Variants in BORCS5 observed in about 807,000 individuals in gnomAD.
BORCS5 encodes the protein BLOC-1-related complex subunit 5.
BORCS5 carries 17 observed loss-of-function variants against 22.1 expected under a neutral mutation model. The observed-to-expected ratio is 0.77, with a 90% confidence interval of 0.53 to 1.15. The LOEUF is 1.15. BORCS5 is among the 50% of genes most tolerant of loss of function. The probability of loss-of-function intolerance (pLI) is 0.00; values close to 1 mark genes in which losing one functional copy is unlikely to be tolerated. For missense variants in BORCS5, 247 were observed against 253.2 expected, an observed-to-expected ratio of 0.98 and a Z score of 0.17; for synonymous variants, 117 against 99.8, an observed-to-expected ratio of 1.17 and a Z score of -1.03.
intron 1 of BORCS5, among the ~76,000 whole-genome samples, chr12:12,360,114 A>G (rs542497637): frequency 6.6e-6 from 1 of 152,284 alleles, no homozygotes; most frequent in East Asian, 1.9e-4. Flanking sequence ...CCGTAATTCT[A>G]GCACTTTGGG....
chr12:12,380,604 A>T (rs1182828033), intron 2 of BORCS5, among the ~76,000 whole-genome samples: 1 of 151,454 alleles, frequency 6.6e-6, no homozygotes, highest in African/African-American at 2.4e-5. Context: ...GTTCATGTGA[A>T]TGTGTTTTTA....
intron 2 of BORCS5, among the ~76,000 whole-genome samples, chr12:12,368,209 G>A (rs1043864574): frequency 1.3e-5 from 2 of 150,422 alleles, no homozygotes; most frequent in African/African-American, 4.9e-5. Flanking sequence ...TTTAACATAG[G>A]TTTCTATCCC....
At chr12:12,404,139 G>A (rs1941542159) in intron 2 of BORCS5, among the ~76,000 whole-genome samples, 1 of 152,156 alleles carries the variant, frequency 6.6e-6, no homozygotes, top group Non-Finnish European at 1.5e-5. Flanking sequence ...GATGTGAACA[G>A]AATGTGCGTC....
chr12:12,452,415 C>T, intron 3 of BORCS5: 1 of 557,474 alleles, frequency 1.8e-6, no homozygotes, highest in Non-Finnish European at 3.6e-6. Context: ...TCCACAAATC[C>T]ATAGGGCTGG....
At chr12:12,432,482 A>T (rs10772564) in intron 2 of BORCS5, among the ~76,000 whole-genome samples, 39,477 of 152,136 alleles carry the variant, frequency 0.26, 6,081 homozygotes, top group Non-Finnish European at 0.34. Context: ...ATAAAACTAA[A>T]CATGCAATTA....
chr12:12,413,193 G>A lies in BORCS5; in HGVS notation c.203-22435G>A, dbSNP rs1213301224. ...CAGGGTCATAGGACAATAGTGGAGG[G>A]AAGGTCTGGTTTTCCTAGGCAGAGG... On this transcript the variant is annotated intron_variant, in intron 2 of 3. Coordinates refer to ENST00000314565, the MANE Select transcript of BORCS5 (RefSeq NM_058169.6). Among the ~76,000 whole-genome samples the A allele has an allele frequency of 2.7e-5, 2 of 74,446 alleles. 1 individual carries two copies. Among genetic ancestry groups the A allele is most frequent in the Admixed American group, 2.3e-4 (2 of 8,558 alleles). 48.8% of individuals were successfully genotyped at this position (74,446 alleles called of 152,430 possible).
intron 3 of BORCS5, among the ~76,000 whole-genome samples, chr12:12,447,790 G>A (rs143535766): frequency 6.6e-6 from 1 of 152,274 alleles, no homozygotes; most frequent in East Asian, 1.9e-4. Flanking sequence ...CCTTAGCTGA[G>A]GTTTTAAGAT....
chr12:12,399,652 C>G (rs1592087098), intron 2 of BORCS5, among the ~76,000 whole-genome samples: 2 of 152,162 alleles, frequency 1.3e-5, no homozygotes, highest in Admixed American at 6.5e-5. Flanking sequence ...AAAGAAAAAC[C>G]CTCTGAGATA....
In BORCS5 at chr12:12,470,018, G is replaced by A. The variant is rs537297543; in HGVS notation, c.*4242G>A. ...GTACCCATCTGTGGCGTGTGAGGAA[G>A]TGTGCTGCACAGCAGGAGGTGAGCG... On this transcript the variant is annotated 3_prime_UTR_variant, in exon 4 of 4. Coordinates refer to ENST00000314565, the MANE Select transcript of BORCS5 (RefSeq NM_058169.6). 6.6e-6 allele frequency among the ~76,000 whole-genome samples: 1 copy of A among 152,306 alleles called. No individual in the cohort carries two copies. The highest frequency in any genetic ancestry group is 6.5e-5 in the Admixed American group (1 of 15,300).
chr12:12,364,721 C>G (rs975257886), intron 2 of BORCS5, among the ~76,000 whole-genome samples: 1 of 152,242 alleles, frequency 6.6e-6, no homozygotes, highest in Non-Finnish European at 1.5e-5. Context: ...AATCCTAGCA[C>G]TTTGGAAGGC....
chr12:12,372,312 G>T (rs540675965), intron 2 of BORCS5, among the ~76,000 whole-genome samples: 1 of 152,082 alleles, frequency 6.6e-6, no homozygotes, highest in African/African-American at 2.4e-5. Flanking sequence ...AGTGCTGGGA[G>T]TAGAGTGCAT....
intron 3 of BORCS5, among the ~76,000 whole-genome samples, chr12:12,445,961 G>A (rs555526339): frequency 8.5e-5 from 13 of 152,132 alleles, no homozygotes; most frequent in African/African-American, 3.1e-4. Context: ...GTTTTGTTTT[G>A]TTTTGTTTTC....
At chr12:12,374,660 A>G (rs1040832380) in intron 2 of BORCS5, among the ~76,000 whole-genome samples, 5 of 151,390 alleles carry the variant, frequency 3.3e-5, no homozygotes, top group African/African-American at 1.2e-4. Flanking sequence ...AAGATGCCAA[A>G]AAGAATTCTT....
chr12:12,388,746 A>T (rs1360471082), intron 2 of BORCS5, among the ~76,000 whole-genome samples: 2 of 151,066 alleles, frequency 1.3e-5, no homozygotes, highest in Non-Finnish European at 3.0e-5. Context: ...GGGGCCAGAT[A>T]GACTATCTTT....
chr12:12,465,263 A>G (rs1943179248), intron 3 of BORCS5, among the ~76,000 whole-genome samples: 1 of 152,202 alleles, frequency 6.6e-6, no homozygotes, highest in African/African-American at 2.4e-5. Context: ...CCCCTCATAT[A>G]GGGAGATAGA....
intron 3 of BORCS5, among the ~76,000 whole-genome samples, chr12:12,441,382 A>G (rs1942680082): frequency 6.6e-6 from 1 of 152,128 alleles, no homozygotes; most frequent in Admixed American, 6.5e-5. Context: ...TACCTGTGTG[A>G]CCTCAGGCAA....
At chr12:12,446,146 T>C (rs1311594664) in intron 3 of BORCS5, among the ~76,000 whole-genome samples, 1 of 151,878 alleles carries the variant, frequency 6.6e-6, no homozygotes, top group Non-Finnish European at 1.5e-5. Flanking sequence ...GAAATATCAC[T>C]ACAAAACAGA....
At chr12:12,462,832 A>C (rs563695328) in intron 3 of BORCS5, among the ~76,000 whole-genome samples, 2 of 151,780 alleles carry the variant, frequency 1.3e-5, no homozygotes, top group African/African-American at 4.8e-5. Context: ...AATTTTTTGT[A>C]TTTTAATAGA....
chr12:12,386,744 A>G (rs770881641), intron 2 of BORCS5, among the ~76,000 whole-genome samples: 4 of 151,220 alleles, frequency 2.6e-5, no homozygotes, highest in Non-Finnish European at 4.4e-5. Context: ...TGCTGGGATT[A>G]CAGGTGCCAG....
Sources: gnomAD v4.1 joint callset for allele counts (sites outside exome capture counted in the v4.1 genomes callset) on GRCh38, gnomAD v4.1.1 for gene constraint, MANE v1.5 for transcripts, NCBI Gene and HGNC (gene_info 2026-07-23, HGNC 2026-07-21) for gene names.